Variants in GMDS observed in about 807,000 individuals in gnomAD.
GMDS encodes the protein GDP-mannose 4,6-dehydratase, also known as GDP-mannose 4,6 dehydratase.
Under a neutral mutation model 49.9 loss-of-function variants are expected in GMDS, and 20 were observed. The ratio of observed to expected loss-of-function variants is 0.40; its 90% CI spans 0.28 to 0.58. The LOEUF is 0.58. GMDS is among the 20% of genes least tolerant of loss of function. GMDS has a pLI of 0.42. For missense variants in GMDS, 362 were observed against 481.4 expected (o/e 0.75, Z 2.32); for synonymous variants, 177 against 178.6 (o/e 0.99, Z 0.07).
intron 1 of GMDS, among the ~76,000 whole-genome samples, chr6:2,192,046 G>A (rs1169724969): frequency 4.6e-5 from 7 of 152,222 alleles, no homozygotes; most frequent in Non-Finnish European, 5.9e-5. Context: ...GAGAAGATGA[G>A]ATGACCAGAT....
intron 4 of GMDS, among the ~76,000 whole-genome samples, chr6:2,050,424 T>C (rs1321194927): frequency 2.0e-5 from 3 of 152,172 alleles, no homozygotes; most frequent in African/African-American, 7.2e-5. Flanking sequence ...ACCAGATAGA[T>C]TCACAGCCGA....
chr6:2,139,228 AT>A (rs148599420), intron 1 of GMDS, among the ~76,000 whole-genome samples: 3,093 of 152,344 alleles, frequency 0.02, 49 homozygotes, highest in Non-Finnish European at 0.034. Flanking sequence ...AAACATTTCA[AT>A]TTAATTACTA....
chr6:2,116,867 T>C lies in GMDS; in HGVS notation c.235+602A>G, dbSNP rs983281301. Among the ~76,000 whole-genome samples, 12 of 152,282 alleles carry C rather than the reference T, an allele frequency of 7.9e-5. 1 individual carries two copies. In the South Asian group the frequency reaches 2.5e-3, roughly 32 times the overall value. ...ACCTCTCTGTCTCCATTTCCTCAAC[T>C]ATAATGTGCTCTCTGGGTCTCCCTA... On this transcript the variant is annotated intron_variant, in intron 3 of 10. Coordinates refer to ENST00000380815, the MANE Select transcript of GMDS (RefSeq NM_001500.4).
chr6:1,824,367 A>G (rs962313376), intron 7 of GMDS, among the ~76,000 whole-genome samples: 1 of 152,020 alleles, frequency 6.6e-6, no homozygotes, highest in Non-Finnish European at 1.5e-5. Context: ...TTTCTACAAC[A>G]TCATTCTCAC....
At chr6:1,815,779 T>C (rs1345559011) in intron 7 of GMDS, among the ~76,000 whole-genome samples, 1 of 152,190 alleles carries the variant, frequency 6.6e-6, no homozygotes, top group Non-Finnish European at 1.5e-5. Flanking sequence ...CAAGACACAT[T>C]CTACAGAGAG....
chr6:1,909,587 A>G (rs535808811), intron 7 of GMDS, among the ~76,000 whole-genome samples: 16 of 152,020 alleles, frequency 1.1e-4, no homozygotes, highest in Middle Eastern at 3.2e-3. Flanking sequence ...TCCAAGGACA[A>G]TCTGTATTCT....
chr6:1,988,623 G>T (rs1278744144), intron 4 of GMDS, among the ~76,000 whole-genome samples: 1 of 152,098 alleles, frequency 6.6e-6, no homozygotes, highest in African/African-American at 2.4e-5. Context: ...CATGTCCTGT[G>T]TATTTAACAA....
At chr6:1,800,325 C>T (rs1317401180) in intron 7 of GMDS, among the ~76,000 whole-genome samples, 1 of 152,220 alleles carries the variant, frequency 6.6e-6, no homozygotes, top group East Asian at 1.9e-4. Flanking sequence ...CTCTTTAAGT[C>T]TCAGTTTACT....
intron 4 of GMDS, among the ~76,000 whole-genome samples, chr6:2,062,314 C>G (rs1487560453): frequency 6.6e-6 from 1 of 152,140 alleles, no homozygotes; most frequent in African/African-American, 2.4e-5. Context: ...CTATCTACTG[C>G]AAAATCTCAC....
chr6:2,160,479 TA>T (rs1777340917), intron 1 of GMDS, among the ~76,000 whole-genome samples: 1 of 152,234 alleles, frequency 6.6e-6, no homozygotes, highest in Non-Finnish European at 1.5e-5. Flanking sequence ...AACTCTTTTT[TA>T]AAATAGATTC....
chr6:2,152,123 C>A (rs1776873618), intron 1 of GMDS, among the ~76,000 whole-genome samples: 1 of 152,092 alleles, frequency 6.6e-6, no homozygotes, highest in Non-Finnish European at 1.5e-5. Context: ...TAAACAAATA[C>A]CTAAGTCCAC....
At chr6:1,826,636 T>C (rs1283806654) in intron 7 of GMDS, among the ~76,000 whole-genome samples, 1 of 152,250 alleles carries the variant, frequency 6.6e-6, no homozygotes, top group Non-Finnish European at 1.5e-5. Flanking sequence ...AATACCTGAT[T>C]GCATTTTCAA....
intron 1 of GMDS, among the ~76,000 whole-genome samples, chr6:2,146,332 A>C (rs1329752450): frequency 6.6e-6 from 1 of 152,162 alleles, no homozygotes; most frequent in Non-Finnish European, 1.5e-5. Context: ...GTTCCTAAAT[A>C]AGGGTAGTGA....
At chr6:1,997,159 A>C (rs1156686415) in intron 4 of GMDS, among the ~76,000 whole-genome samples, 1 of 152,026 alleles carries the variant, frequency 6.6e-6, no homozygotes, top group Non-Finnish European at 1.5e-5. Flanking sequence ...GGTTCTGATA[A>C]CTGCTTCTTA....
chr6:2,046,030 G>C (rs1222980993), intron 4 of GMDS, among the ~76,000 whole-genome samples: 3 of 152,116 alleles, frequency 2.0e-5, no homozygotes, highest in Admixed American at 2.0e-4. Context: ...AGGCAATATA[G>C]CAAGACCTGT....
intron 4 of GMDS, among the ~76,000 whole-genome samples, chr6:2,112,084 A>T (rs1013437554): frequency 2.0e-5 from 3 of 152,206 alleles, no homozygotes; most frequent in Non-Finnish European, 4.4e-5. Flanking sequence ...ATCACAGCAT[A>T]AACAGTGGTA....
At position 2,245,299 on chromosome 6, in the gene GMDS, GCGCCCC is replaced by G; in HGVS notation, c.102+16_102+21del. The G allele has an allele frequency of 1.3e-6, 2 of 1,490,704 alleles. No homozygotes were observed. Among genetic ancestry groups the G allele is most frequent in the Non-Finnish European group, 1.8e-6 (2 of 1,105,052 alleles). 92.3% of individuals were successfully genotyped at this position (1,490,704 alleles called of 1,614,324 possible). On this transcript the variant is annotated intron_variant, in intron 1 of 10. Transcript: ENST00000380815. ...GCGTGCCCAGGCTGCCTCGGCCGGC[GCGCCCC>G]CGCCCCCGCACTCACCTGGCCTGTG...
At chr6:2,132,212 C>G (rs1775775922) in intron 1 of GMDS, among the ~76,000 whole-genome samples, 1 of 152,134 alleles carries the variant, frequency 6.6e-6, no homozygotes, top group African/African-American at 2.4e-5. Context: ...ATTTGCTTCA[C>G]TAATAGGATC....
chr6:1,707,260 A>G (rs1193462350), intron 9 of GMDS, among the ~76,000 whole-genome samples: 1 of 152,234 alleles, frequency 6.6e-6, no homozygotes, highest in East Asian at 1.9e-4. Context: ...ACTTTAAGGA[A>G]GCAAAACCAA....
Sources: gnomAD v4.1 joint callset for allele counts (sites outside exome capture counted in the v4.1 genomes callset) on GRCh38, gnomAD v4.1.1 for gene constraint, MANE v1.5 for transcripts, NCBI Gene and HGNC (gene_info 2026-07-23, HGNC 2026-07-21) for gene names.